CNTN5: variants seen among roughly 807,000 people sequenced by gnomAD.
The protein encoded by CNTN5 is contactin 5.
CNTN5 carries 77 observed loss-of-function variants against 129.1 expected under a neutral mutation model. The ratio of observed to expected loss-of-function variants is 0.60; its 90% CI spans 0.50 to 0.72. The LOEUF (loss-of-function observed/expected upper bound fraction) is 0.72, where lower values mean the gene tolerates loss of function less well. CNTN5 is among the 30% of genes least tolerant of loss of function. The pLI, the probability that CNTN5 is intolerant of heterozygous loss-of-function variation, is 0.00. For synonymous variants in CNTN5, 509 were observed against 465.6 expected, an observed-to-expected ratio of 1.09 and a Z score of -1.20; for missense variants, 1,478 against 1,328.8, an observed-to-expected ratio of 1.11 and a Z score of -1.75.
chr11:100,229,580 G>C (rs1198059171), intron 16 of CNTN5, among the ~76,000 whole-genome samples: 1 of 152,106 alleles, frequency 6.6e-6, no homozygotes, highest in African/African-American at 2.4e-5. Context: ...TATACCCTTG[G>C]AAAAGATGCA....
At chr11:99,297,480 G>A (rs1208800778) in intron 1 of CNTN5, among the ~76,000 whole-genome samples, 1 of 63,968 alleles carries the variant, frequency 1.6e-5, no homozygotes, top group Non-Finnish European at 4.1e-5. Context: ...ACATGCTGTA[G>A]TGCCAAACCC....
chr11:99,880,636 C>G (rs564378470), intron 6 of CNTN5, among the ~76,000 whole-genome samples: 2 of 152,182 alleles, frequency 1.3e-5, no homozygotes, highest in Admixed American at 6.5e-5. Flanking sequence ...TATAAAAAAT[C>G]TGTAGACACC....
intron 1 of CNTN5, among the ~76,000 whole-genome samples, chr11:99,141,224 G>A (rs890191783): frequency 6.6e-6 from 1 of 151,980 alleles, no homozygotes. Flanking sequence ...TCAACCTTGG[G>A]AAGTTATGTA....
At position 99,580,293 on chromosome 11, in the gene CNTN5, T is replaced by C. The variant is rs535084939; in HGVS notation, c.55+24024T>C. Among the ~76,000 whole-genome samples, 7 of 152,282 alleles carry C rather than the reference T, an allele frequency of 4.6e-5. No individual in the cohort carries two copies. The East Asian group carries it at 1.2e-3, about 25-fold the overall frequency. On this transcript the variant is annotated intron_variant, in intron 3 of 24. Transcript: ENST00000524871. The stretch of plus-strand genomic sequence containing the variant: ...CAAAGATATTGGTCTAAAATTCTCT[T>C]TTTTTGTTGTGTCTCTGCTCGGCTT...
chr11:100,232,127 C>T (rs1295638070), intron 16 of CNTN5, among the ~76,000 whole-genome samples: 1 of 151,946 alleles, frequency 6.6e-6, no homozygotes, highest in East Asian at 1.9e-4. Flanking sequence ...GCACTCCAGC[C>T]TGGCCAACAG....
chr11:99,550,297 T>C (rs943176659), intron 2 of CNTN5, among the ~76,000 whole-genome samples: 4 of 152,166 alleles, frequency 2.6e-5, no homozygotes, highest in Admixed American at 6.6e-5. Context: ...TCAAAAGATA[T>C]ATGACAGCAA....
intron 1 of CNTN5, among the ~76,000 whole-genome samples, chr11:99,245,436 C>A (rs181310478): frequency 6.6e-6 from 1 of 151,980 alleles, no homozygotes; most frequent in Non-Finnish European, 1.5e-5. Flanking sequence ...CTCCTGACTC[C>A]GCCTCCCAAG....
At chr11:100,225,757 G>C (rs956284002) in intron 16 of CNTN5, among the ~76,000 whole-genome samples, 4 of 151,882 alleles carry the variant, frequency 2.6e-5, no homozygotes, top group Non-Finnish European at 5.9e-5. Context: ...TCCCTTGTAT[G>C]GTCTGTACAG....
At chr11:100,152,997 A>T (rs1947119594) in intron 13 of CNTN5, among the ~76,000 whole-genome samples, 1 of 152,078 alleles carries the variant, frequency 6.6e-6, no homozygotes, top group Admixed American at 6.6e-5. Context: ...TTAATTTTTA[A>T]TGGCTTAACC....
At chr11:99,584,111 G>A (rs148249535) in intron 3 of CNTN5, among the ~76,000 whole-genome samples, 2 of 152,264 alleles carry the variant, frequency 1.3e-5, no homozygotes, top group African/African-American at 2.4e-5. Context: ...TCTACCAAAT[G>A]TTCTTTATGC....
intron 6 of CNTN5, among the ~76,000 whole-genome samples, chr11:99,887,210 A>G (rs1196578355): frequency 6.6e-6 from 1 of 152,202 alleles, no homozygotes; most frequent in Non-Finnish European, 1.5e-5. Flanking sequence ...AAGGCAGTCA[A>G]TAACATAACT....
intron 1 of CNTN5, among the ~76,000 whole-genome samples, chr11:99,109,781 A>C (rs929836788): frequency 1.3e-5 from 2 of 152,168 alleles, no homozygotes; most frequent in Non-Finnish European, 2.9e-5. Context: ...AAGTGACCAT[A>C]AACAATTCCT....
At chr11:99,664,253 C>T (rs1952704158) in intron 3 of CNTN5, among the ~76,000 whole-genome samples, 1 of 152,094 alleles carries the variant, frequency 6.6e-6, no homozygotes, top group Admixed American at 6.5e-5. Context: ...TTAATAATTG[C>T]ATTATTGTTT....
chr11:99,640,822 A>G (rs1951743111), intron 3 of CNTN5, among the ~76,000 whole-genome samples: 1 of 152,206 alleles, frequency 6.6e-6, no homozygotes, highest in Non-Finnish European at 1.5e-5. Context: ...ATTTCTCAGA[A>G]TGTATCCCCC....
intron 3 of CNTN5, among the ~76,000 whole-genome samples, chr11:99,659,099 T>C (rs1033389076): frequency 3.3e-5 from 5 of 152,006 alleles, no homozygotes; most frequent in Non-Finnish European, 7.4e-5. Context: ...TCATGGGCTT[T>C]GGAGGGTTGG....
chr11:99,971,289 A>C (rs1393050012), intron 8 of CNTN5, among the ~76,000 whole-genome samples: 2 of 152,192 alleles, frequency 1.3e-5, no homozygotes, highest in Non-Finnish European at 2.9e-5. Flanking sequence ...TCACGCCTGT[A>C]ATCCCAGCAC....
intron 13 of CNTN5, among the ~76,000 whole-genome samples, chr11:100,109,596 G>A (rs190869867): frequency 2.0e-3 from 297 of 152,146 alleles, no homozygotes; most frequent in African/African-American, 6.8e-3. Context: ...CTTTGTTAAT[G>A]AGAGAGAAAA....
intron 3 of CNTN5, among the ~76,000 whole-genome samples, chr11:99,740,239 G>T (rs1414070465): frequency 2.0e-5 from 3 of 152,012 alleles, no homozygotes; most frequent in Non-Finnish European, 2.9e-5. Flanking sequence ...TCTCTAAAGG[G>T]GTGTAGGAAT....
intron 2 of CNTN5, among the ~76,000 whole-genome samples, chr11:99,413,690 A>C (rs1411645646): frequency 1.3e-5 from 2 of 152,190 alleles, no homozygotes; most frequent in East Asian, 3.8e-4. Flanking sequence ...ATAACAAATC[A>C]GTAATCTTGT....
Sources: allele counts gnomAD v4.1 joint callset (sites outside exome capture counted in the v4.1 genomes callset), GRCh38; gene constraint gnomAD v4.1.1; transcripts MANE v1.5; gene names NCBI Gene and HGNC (gene_info 2026-07-23, HGNC 2026-07-21).